Variants in ENAH observed in about 807,000 individuals in gnomAD.
ENAH encodes the protein ENAH actin regulator.
ENAH carries 23 observed loss-of-function variants against 78.7 expected under a neutral mutation model. That is an observed-to-expected ratio of 0.29 (90% CI 0.21 to 0.41). The LOEUF is 0.41. Among genes scored for constraint, ENAH ranks in the 10% least tolerant of loss-of-function variants. The probability of loss-of-function intolerance (pLI) is 1.00; values close to 1 mark genes in which losing one functional copy is unlikely to be tolerated. For missense variants in ENAH, 544 were observed against 691.0 expected, an observed-to-expected ratio of 0.79 and a Z score of 2.39; for synonymous variants, 226 against 241.0, an observed-to-expected ratio of 0.94 and a Z score of 0.58.
intron 2 of ENAH, among the ~76,000 whole-genome samples, chr1:225,564,454 ATT>A (rs71170093): frequency 3.2e-4 from 39 of 122,364 alleles, no homozygotes; most frequent in Admixed American, 7.5e-4. Flanking sequence ...ATGCCCGACT[ATT>A]TTTTTTTTTT....
At chr1:225,533,553 G>C (rs2096548061) in intron 3 of ENAH, among the ~76,000 whole-genome samples, 1 of 152,110 alleles carries the variant, frequency 6.6e-6, no homozygotes, top group Non-Finnish European at 1.5e-5. Flanking sequence ...ATAAAGAATA[G>C]CAGCTGTTTG....
At chr1:225,518,080 G>T in intron 5 of ENAH, 1 of 1,117,524 alleles carries the variant, frequency 8.9e-7, no homozygotes, top group Non-Finnish European at 1.2e-6. Context: ...CCAGCATTCA[G>T]ACACAATGTA....
chr1:225,604,267 T>C (rs1387533336), intron 1 of ENAH, among the ~76,000 whole-genome samples: 1 of 152,198 alleles, frequency 6.6e-6, no homozygotes, highest in Non-Finnish European at 1.5e-5. Context: ...CCAGGCTCTC[T>C]CACTATTTTT....
At chr1:225,526,338 CTTTT>C (rs34197889) in intron 4 of ENAH, among the ~76,000 whole-genome samples, 7 of 143,786 alleles carry the variant, frequency 4.9e-5, no homozygotes, top group Admixed American at 7.0e-5. Context: ...CTCTCTCTCT[CTTTT>C]TTTTTTTTTT....
At chr1:225,565,620 A>G (rs1218821482) in intron 2 of ENAH, among the ~76,000 whole-genome samples, 2 of 152,188 alleles carry the variant, frequency 1.3e-5, no homozygotes, top group African/African-American at 2.4e-5. Context: ...ATTTCTACAA[A>G]ATTTTAATTG....
chr1:225,515,929 A>G (rs2096414058), intron 6 of ENAH, among the ~76,000 whole-genome samples: 1 of 152,260 alleles, frequency 6.6e-6, no homozygotes, highest in African/African-American at 2.4e-5. Context: ...TGAACGTCTT[A>G]GAATTCTGAC....
chr1:225,652,626 G>A (rs533760820), intron 1 of ENAH, 60 bp downstream of exon 1: 2 of 1,257,466 alleles, frequency 1.6e-6, no homozygotes, highest in South Asian at 2.8e-5. Flanking sequence ...CGAGGAGAAC[G>A]GGGGTCGCGG....
chr1:225,521,659 A>G (rs1443890478), intron 4 of ENAH, among the ~76,000 whole-genome samples: 4 of 150,984 alleles, frequency 2.6e-5, no homozygotes, highest in African/African-American at 4.9e-5. Flanking sequence ...AAAAAAAAAA[A>G]GTATCTTTAT....
chr1:225,637,637 G>C (rs1206096933), intron 1 of ENAH, among the ~76,000 whole-genome samples: 2 of 152,038 alleles, frequency 1.3e-5, no homozygotes, highest in African/African-American at 4.8e-5. Flanking sequence ...TCTATGTCTG[G>C]GTGCTGGTTT....
At chr1:225,646,489 A>G (rs1163180242) in intron 1 of ENAH, among the ~76,000 whole-genome samples, 1 of 152,164 alleles carries the variant, frequency 6.6e-6, no homozygotes, top group Non-Finnish European at 1.5e-5. Context: ...CATACTGGCA[A>G]CCTGATCTCT....
rs1436393480 is a variant in ENAH at position 225,487,434 on chromosome 1, CA to C, written c.*10340del. ...ATCCTGTTTAATTCAGATTTTCAAACAACTTGAGTCAAGCAAGCAGGAGCTT... is the reference window on the plus strand; with the variant it reads ...ATCCTGTTTAATTCAGATTTTCAAACACTTGAGTCAAGCAAGCAGGAGCTT... On this transcript the variant is annotated 3_prime_UTR_variant, in exon 14 of 14. Coordinates refer to ENST00000366843, the MANE Select transcript of ENAH (RefSeq NM_018212.6). 6.6e-6 allele frequency: 1 copy of C among 152,176 alleles called. No individual in the cohort carries two copies. The highest frequency in any genetic ancestry group is 1.9e-4 in the East Asian group (1 of 5,204). The allele number at this position is 152,176 out of a possible 1,614,324, so 9.4% of individuals were successfully genotyped here.
intron 1 of ENAH, among the ~76,000 whole-genome samples, chr1:225,635,996 G>T (rs1271659523): frequency 6.6e-6 from 1 of 152,326 alleles, no homozygotes; most frequent in African/African-American, 2.4e-5. Flanking sequence ...TCTTGCCTGA[G>T]TTTCCAGCCT....
intron 2 of ENAH, among the ~76,000 whole-genome samples, chr1:225,562,571 CAAAAAAAAAAAA>C (rs869309795): frequency 3.7e-4 from 14 of 38,098 alleles, no homozygotes; most frequent in East Asian, 3.6e-3. Flanking sequence ...GACTGCGTCT[CAAAAAAAAAAAA>C]AAAAAAAAAA....
At chr1:225,524,462 A>G (rs2096490653) in intron 4 of ENAH, 1 of 303,852 alleles carries the variant, frequency 3.3e-6, no homozygotes, top group African/African-American at 2.3e-5. Context: ...AGAAAATAAA[A>G]CTACACAGAT....
At chr1:225,621,483 G>A (rs1195423162) in intron 1 of ENAH, among the ~76,000 whole-genome samples, 5 of 151,382 alleles carry the variant, frequency 3.3e-5, no homozygotes, top group South Asian at 4.2e-4. Flanking sequence ...TAGTAGAGAC[G>A]GGGTTTCACC....
intron 1 of ENAH, among the ~76,000 whole-genome samples, chr1:225,632,302 C>T (rs532021916): frequency 6.6e-5 from 10 of 152,214 alleles, no homozygotes; most frequent in African/African-American, 2.4e-4. Flanking sequence ...AATTCAAGAC[C>T]AGCCTGGCCA....
chr1:225,515,690 G>T (rs951911276), intron 6 of ENAH, among the ~76,000 whole-genome samples: 2 of 152,172 alleles, frequency 1.3e-5, no homozygotes, highest in African/African-American at 4.8e-5. Flanking sequence ...GGTTTAAGAG[G>T]GGTGTTTTCA....
intron 1 of ENAH, among the ~76,000 whole-genome samples, chr1:225,626,343 G>T (rs1657946209): frequency 1.3e-5 from 2 of 152,248 alleles, no homozygotes; most frequent in Admixed American, 6.5e-5. Flanking sequence ...AAATGCTACA[G>T]TTTGAATGTA....
intron 3 of ENAH, among the ~76,000 whole-genome samples, chr1:225,549,552 G>T (rs2096631664): frequency 6.6e-6 from 1 of 152,154 alleles, no homozygotes; most frequent in Non-Finnish European, 1.5e-5. Context: ...CTAGCTGTGG[G>T]TCCTCGCATC....
Sources: allele counts gnomAD v4.1 joint callset (sites outside exome capture counted in the v4.1 genomes callset), GRCh38; gene constraint gnomAD v4.1.1; transcripts MANE v1.5; gene names NCBI Gene and HGNC (gene_info 2026-07-23, HGNC 2026-07-21).